The following CLINT1 variants were observed in gnomAD, a reference collection of about 807,000 sequenced individuals.
The protein encoded by CLINT1 is clathrin interactor 1.
CLINT1 carries 15 observed loss-of-function variants against 70.4 expected under a neutral mutation model. The observed-to-expected ratio is 0.21, with a 90% confidence interval of 0.14 to 0.33. The LOEUF is 0.33. Ranked by LOEUF, CLINT1 falls within the 10% of genes least tolerant of loss-of-function variation. CLINT1 has a pLI of 1.00. For missense variants in CLINT1, 615 were observed against 778.1 expected, an observed-to-expected ratio of 0.79 and a Z score of 2.49; for synonymous variants, 227 against 254.7, an observed-to-expected ratio of 0.89 and a Z score of 1.04.
intron 1 of CLINT1, among the ~76,000 whole-genome samples, chr5:157,839,534 G>T (rs1454160840): frequency 6.6e-6 from 1 of 151,662 alleles, no homozygotes; most frequent in Non-Finnish European, 1.5e-5. Context: ...CCTGGGAGGT[G>T]GAGGTTGCAG....
At chr5:157,815,152 T>C (rs1368317658) in intron 3 of CLINT1, among the ~76,000 whole-genome samples, 2 of 132,242 alleles carry the variant, frequency 1.5e-5, no homozygotes, top group African/African-American at 3.0e-5. Flanking sequence ...CACACACAAA[T>C]AGCTGGGTAT....
chr5:157,790,922 C>T (rs188489252), intron 10 of CLINT1, among the ~76,000 whole-genome samples: 1 of 152,152 alleles, frequency 6.6e-6, no homozygotes, highest in Non-Finnish European at 1.5e-5. Context: ...TTGGGAAGAA[C>T]ATTCACCATT....
intron 1 of CLINT1, among the ~76,000 whole-genome samples, chr5:157,838,330 C>T (rs1333012903): frequency 1.6e-4 from 24 of 152,094 alleles, no homozygotes; most frequent in Admixed American, 1.5e-3. Flanking sequence ...GCCACGTTGG[C>T]CAGGCTGGTC....
rs1421719780 is a variant in CLINT1, at chr5:157,809,422, G to A, written c.695+206C>T. On this transcript the variant is annotated intron_variant, in intron 6 of 11. Coordinates refer to ENST00000411809, the MANE Select transcript of CLINT1 (RefSeq NM_014666.4). ...CAGAACCTGTTATGAAGGGGAAGTG[G>A]GTATATGACAACTCTGTACTTTATG... Among the ~76,000 whole-genome samples, 3 of 151,272 alleles carry A rather than the reference G, an allele frequency of 2.0e-5. No individual in the cohort carries two copies. In the East Asian group the frequency reaches 5.8e-4, roughly 29 times the overall value.
intron 1 of CLINT1, among the ~76,000 whole-genome samples, chr5:157,821,839 G>A (rs10515753): frequency 0.12 from 17,795 of 152,190 alleles, 1,314 homozygotes; most frequent in Non-Finnish European, 0.18. Flanking sequence ...AATCACCAAA[G>A]AATGAAGAAT....
chr5:157,829,689 A>ATTTTTTTTTTTTTTTTTT (rs3075709), intron 1 of CLINT1, among the ~76,000 whole-genome samples: 1 of 109,148 alleles, frequency 9.2e-6, no homozygotes, highest in African/African-American at 3.4e-5. Flanking sequence ...ACACCCAGCT[A>ATTTTTTTTTTTTTTTTTT]TTTTTTTTTT....
At chr5:157,794,849 A>G in intron 9 of CLINT1, 49 bp downstream of exon 9, 1 of 1,425,278 alleles carries the variant, frequency 7.0e-7, no homozygotes, top group South Asian at 1.2e-5. Context: ...GTTGTTTTTA[A>G]TAACCTTTTT....
At position 157,786,114 on chromosome 5, in the gene CLINT1, A is replaced by G. The variant is rs1199161277; in HGVS notation, c.*1532T>C. On this transcript the variant is annotated 3_prime_UTR_variant, in exon 12 of 12. Coordinates refer to ENST00000411809, the MANE Select transcript of CLINT1 (RefSeq NM_014666.4). ...ATTAGCAAGAATGGAGCAGGTCAGG[A>G]TATCTTTGCTGCTTCATTTTTAATT... 1 of 152,186 alleles carries G rather than the reference A, an allele frequency of 6.6e-6. No individual in the cohort carries two copies. The highest frequency in any genetic ancestry group is 1.5e-5 in the Non-Finnish European group (1 of 68,016). 9.4% of individuals were successfully genotyped at this position (152,186 alleles called of 1,614,324 possible).
chr5:157,852,442 T>C (rs976458781), intron 1 of CLINT1, among the ~76,000 whole-genome samples: 1 of 152,194 alleles, frequency 6.6e-6, no homozygotes, highest in Non-Finnish European at 1.5e-5. Flanking sequence ...GATGAAGATA[T>C]AGTTCCTACA....
At chr5:157,822,510 G>A (rs1486474247) in intron 1 of CLINT1, among the ~76,000 whole-genome samples, 1 of 152,168 alleles carries the variant, frequency 6.6e-6, no homozygotes, top group Non-Finnish European at 1.5e-5. Flanking sequence ...TCTTGGGTAT[G>A]CCTTTATCAG....
chr5:157,812,223 A>G (rs1191722535), intron 5 of CLINT1, among the ~76,000 whole-genome samples: 1 of 152,076 alleles, frequency 6.6e-6, no homozygotes, highest in Non-Finnish European at 1.5e-5. Context: ...GAGATATGAG[A>G]GCTCAATATA....
chr5:157,791,032 G>A (rs254683), intron 10 of CLINT1, among the ~76,000 whole-genome samples: 104,736 of 152,040 alleles, frequency 0.69, 36,167 homozygotes, highest in East Asian at 0.79. Context: ...GATACTTGCC[G>A]TAAGTGAAAC....
intron 10 of CLINT1, chr5:157,790,735 C>A: frequency 4.8e-6 from 2 of 420,232 alleles, no homozygotes; most frequent in Non-Finnish European, 9.4e-6. Flanking sequence ...TGGTACCATT[C>A]AGACACATAT....
rs1182918789 is a variant in CLINT1, at chr5:157,806,114, TAA to T, written c.696-4_696-3del. On this transcript the variant is annotated splice_polypyrimidine_tract_variant and splice_region_variant and intron_variant, in intron 6 of 11. Transcript: ENST00000411809. Reference sequence around the variant, plus strand: ...GCTTTCTTTTCCTCATCGCTGTCGCTAAAAGATATTAAAAATGAAGCAAAATA... The same window carrying T: ...GCTTTCTTTTCCTCATCGCTGTCGCTAAGATATTAAAAATGAAGCAAAATA... The T allele has an allele frequency of 1.2e-6, 2 of 1,611,938 alleles. No individual in the cohort carries two copies. Among genetic ancestry groups the T allele is most frequent in the East Asian group, 4.5e-5 (2 of 44,868 alleles).
intron 1 of CLINT1, among the ~76,000 whole-genome samples, chr5:157,845,494 C>T (rs1753339950): frequency 6.6e-6 from 1 of 151,812 alleles, no homozygotes; most frequent in African/African-American, 2.4e-5. Flanking sequence ...CTGTGCTTTG[C>T]TTTACTGTGC....
chr5:157,840,191 TC>T (rs1426377523), intron 1 of CLINT1, among the ~76,000 whole-genome samples: 4 of 13,152 alleles, frequency 3.0e-4, no homozygotes, highest in Admixed American at 1.5e-3. Flanking sequence ...TGAGACTGCC[TC>T]AAAAAAAAAA....
At chr5:157,815,659 G>A (rs1581503410) in intron 3 of CLINT1, among the ~76,000 whole-genome samples, 1 of 152,314 alleles carries the variant, frequency 6.6e-6, no homozygotes, top group African/African-American at 2.4e-5. Flanking sequence ...GATATGTTCT[G>A]CGTAATGTGC....
chr5:157,805,819 T>A, intron 7 of CLINT1, 47 bp downstream of exon 7: 1 of 1,604,428 alleles, frequency 6.2e-7, no homozygotes, highest in Non-Finnish European at 8.5e-7. Context: ...AAGAGCGGTT[T>A]ATAAAAATAA....
intron 11 of CLINT1, among the ~76,000 whole-genome samples, chr5:157,788,963 T>C (rs1329464467): frequency 2.1e-5 from 2 of 95,346 alleles, no homozygotes; most frequent in Non-Finnish European, 3.7e-5. Context: ...CAAGACTCCA[T>C]CTCAGAAAAA....
Sources: allele counts gnomAD v4.1 joint callset (sites outside exome capture counted in the v4.1 genomes callset), GRCh38; gene constraint gnomAD v4.1.1; transcripts MANE v1.5; gene names NCBI Gene and HGNC (gene_info 2026-07-23, HGNC 2026-07-21).